The following GRM3 variants were observed in gnomAD, a reference collection of about 807,000 sequenced individuals.
GRM3 encodes glutamate metabotropic receptor 3.
In GRM3, 26 loss-of-function variants were observed where a neutral mutation model predicts 70.5. The ratio of observed to expected loss-of-function variants is 0.37; its 90% confidence interval spans 0.27 to 0.51. The LOEUF (loss-of-function observed/expected upper bound fraction) is 0.51. Among genes scored for constraint, GRM3 ranks in the 20% least tolerant of loss-of-function variants. The pLI is 0.93. For missense variants in GRM3, 859 were observed against 1,123.8 expected (o/e 0.76, Z 3.37); for synonymous variants, 443 against 434.9 (o/e 1.02, Z -0.23).
At chr7:86,779,795 C>A (rs998619578) in intron 2 of GRM3, among the ~76,000 whole-genome samples, 10 of 152,054 alleles carry the variant, frequency 6.6e-5, no homozygotes, top group Non-Finnish European at 1.3e-4. Context: ...AGGAACATCA[C>A]AGTAAGTCAG....
chr7:86,858,052 G>A (rs531269262), intron 5 of GRM3, among the ~76,000 whole-genome samples: 1 of 151,876 alleles, frequency 6.6e-6, no homozygotes, highest in African/African-American at 2.4e-5. Context: ...TGCTTCCTGG[G>A]TTTACACCAT....
chr7:86,668,996 G>C (rs959421731), intron 1 of GRM3, among the ~76,000 whole-genome samples: 1 of 152,080 alleles, frequency 6.6e-6, no homozygotes, highest in Non-Finnish European at 1.5e-5. Context: ...ATAAATAAAT[G>C]GAAAGTTCCT....
At chr7:86,820,458 G>A (rs746976532) in intron 3 of GRM3, among the ~76,000 whole-genome samples, 5 of 152,054 alleles carry the variant, frequency 3.3e-5, no homozygotes, top group Non-Finnish European at 7.4e-5. Context: ...AATGCAGCAG[G>A]TAGTACATAT....
chr7:86,835,877 G>T (rs887465688), intron 3 of GRM3, among the ~76,000 whole-genome samples: 22 of 152,250 alleles, frequency 1.4e-4, no homozygotes, highest in African/African-American at 5.1e-4. Context: ...CTCCCAAAAT[G>T]CTGGGATAAC....
intron 2 of GRM3, among the ~76,000 whole-genome samples, chr7:86,772,472 CAT>C (rs1466879141): frequency 6.6e-6 from 1 of 152,110 alleles, no homozygotes; most frequent in Non-Finnish European, 1.5e-5. Context: ...ATTCTTTACA[CAT>C]GTGCCACAGA....
intron 1 of GRM3, among the ~76,000 whole-genome samples, chr7:86,647,680 A>C (rs1400089200): frequency 6.6e-6 from 1 of 152,204 alleles, no homozygotes; most frequent in Non-Finnish European, 1.5e-5. Flanking sequence ...ATTTGTTGAA[A>C]TTGCTCCCAA....
chr7:86,834,496 C>T (rs1295300705), intron 3 of GRM3, among the ~76,000 whole-genome samples: 1 of 152,022 alleles, frequency 6.6e-6, no homozygotes, highest in East Asian at 1.9e-4. Flanking sequence ...CTTGTGCCTA[C>T]CTCATGGATG....
chr7:86,691,659 A>C (rs1270752460), intron 1 of GRM3, among the ~76,000 whole-genome samples: 1 of 152,198 alleles, frequency 6.6e-6, no homozygotes, highest in Admixed American at 6.5e-5. Context: ...TGAATGGATT[A>C]ATAATGCCTT....
intron 1 of GRM3, among the ~76,000 whole-genome samples, chr7:86,690,476 G>GTGAGAAAGTGAGAAGATCAT (rs1356101752): frequency 1.3e-5 from 2 of 152,270 alleles, no homozygotes; most frequent in East Asian, 3.9e-4. Flanking sequence ...GAGAAGATCA[G>GTGAGAAAGTGAGAAGATCAT]TGAGAAAGTG....
chr7:86,853,157 ATCT>A (rs777462122), intron 5 of GRM3, among the ~76,000 whole-genome samples: 23 of 152,174 alleles, frequency 1.5e-4, no homozygotes, highest in Non-Finnish European at 2.6e-4. Flanking sequence ...GAAATTTAGT[ATCT>A]TTGGCCAGTG....
rs140884068 is a variant in GRM3 at position 86,759,484 on chromosome 7, A to G, written c.-140-5522A>G. Among the ~76,000 whole-genome samples the G allele has an allele frequency of 1.5e-4, 23 of 152,272 alleles. No individual in the cohort carries two copies. In the East Asian group the frequency reaches 4.4e-3, roughly 29 times the overall value. ...CCTGATCAATCTTTCTAAAACTTGCATGCTACTGGGAATTTATTATTTAAC... is the reference window on the plus strand; with the variant it reads ...CCTGATCAATCTTTCTAAAACTTGCGTGCTACTGGGAATTTATTATTTAAC... On this transcript the variant is annotated intron_variant, in intron 1 of 5. Coordinates refer to ENST00000361669, the MANE Select transcript of GRM3 (RefSeq NM_000840.3).
At chr7:86,682,319 A>G (rs1441708827) in intron 1 of GRM3, among the ~76,000 whole-genome samples, 1 of 152,198 alleles carries the variant, frequency 6.6e-6, no homozygotes, top group Non-Finnish European at 1.5e-5. Context: ...TACGTGTCAT[A>G]ATCTTGTACA....
intron 1 of GRM3, among the ~76,000 whole-genome samples, chr7:86,655,915 C>G (rs1793730788): frequency 6.6e-6 from 1 of 151,556 alleles, no homozygotes. Flanking sequence ...TCTCTCACCT[C>G]AGTTTCCTCG....
chr7:86,824,264 AG>A (rs1798187284), intron 3 of GRM3, among the ~76,000 whole-genome samples: 1 of 152,230 alleles, frequency 6.6e-6, no homozygotes, highest in Non-Finnish European at 1.5e-5. Flanking sequence ...AGGAAGCAAA[AG>A]TTCCCTTTTC....
intron 1 of GRM3, among the ~76,000 whole-genome samples, chr7:86,670,340 T>C (rs1430317601): frequency 6.6e-6 from 1 of 152,214 alleles, no homozygotes; most frequent in Non-Finnish European, 1.5e-5. Context: ...TCTATCAACA[T>C]CTAAGCAGGT....
At chr7:86,661,324 T>C (rs967948839) in intron 1 of GRM3, among the ~76,000 whole-genome samples, 1 of 151,990 alleles carries the variant, frequency 6.6e-6, no homozygotes, top group African/African-American at 2.4e-5. Flanking sequence ...CATGTAAAAA[T>C]GTCTTCATTT....
chr7:86,804,951 A>AT (rs1024895737), intron 3 of GRM3, among the ~76,000 whole-genome samples: 1 of 151,894 alleles, frequency 6.6e-6, no homozygotes, highest in Admixed American at 6.6e-5. Context: ...AACTCTACAA[A>AT]TTTTTTTTCT....
chr7:86,787,537 T>A (rs1007739343), intron 3 of GRM3, among the ~76,000 whole-genome samples: 4 of 151,086 alleles, frequency 2.6e-5, no homozygotes, highest in South Asian at 2.1e-4. Context: ...AAGAATCTCA[T>A]AACTTTCACA....
intron 2 of GRM3, among the ~76,000 whole-genome samples, chr7:86,768,433 C>T (rs1454958144): frequency 6.6e-6 from 1 of 152,176 alleles, no homozygotes; most frequent in Non-Finnish European, 1.5e-5. Flanking sequence ...AGAGCAAACA[C>T]TAAAGTCATA....
Sources: gnomAD v4.1 joint callset for allele counts (sites outside exome capture counted in the v4.1 genomes callset) on GRCh38, gnomAD v4.1.1 for gene constraint, MANE v1.5 for transcripts, NCBI Gene and HGNC (gene_info 2026-07-23, HGNC 2026-07-21) for gene names.